The following PRKACA variants were observed in gnomAD, a reference collection of about 807,000 sequenced individuals.
PRKACA encodes the protein protein kinase cAMP-activated catalytic subunit alpha.
Under a neutral mutation model 45.8 loss-of-function variants are expected in PRKACA, and 9 were observed. The ratio of observed to expected loss-of-function variants is 0.20; its 90% CI spans 0.12 to 0.34. The LOEUF (loss-of-function observed/expected upper bound fraction) is 0.34. Among genes scored for constraint, PRKACA ranks in the 10% least tolerant of loss-of-function variants. The pLI, the probability that PRKACA is intolerant of heterozygous loss-of-function variation, is 1.00. For synonymous variants in PRKACA, 160 were observed against 178.6 expected (o/e 0.90, Z 0.83); for missense variants, 238 against 458.6 (o/e 0.52, Z 4.39).
chr19:14,108,138 G>C, intron 1 of PRKACA: 2 of 985,466 alleles, frequency 2.0e-6, no homozygotes, highest in Non-Finnish European at 2.4e-6. Flanking sequence ...TCTCGTCTCT[G>C]CTGAGACACA....
chr19:14,097,997 G>A lies in PRKACA; in HGVS notation c.420-107C>T, dbSNP rs373681876. On this transcript the variant is annotated intron_variant, in intron 5 of 9. Coordinates refer to ENST00000308677, the MANE Select transcript of PRKACA (RefSeq NM_002730.4). The surrounding 1 kb of genome is among the most constrained non-coding windows in gnomAD (Gnocchi z 5.4). Reference sequence around the variant, plus strand: ...AGAGGAAGACACCTCCAGTCCAGCCGTCAGAAACGCAAGGCACCTGATTCT... The same window carrying A: ...AGAGGAAGACACCTCCAGTCCAGCCATCAGAAACGCAAGGCACCTGATTCT... 1.6e-5 allele frequency: 23 copies of A among 1,429,486 alleles called. No individual in the cohort carries two copies. Among genetic ancestry groups the A allele is most frequent in the Middle Eastern group, 2.3e-4 (1 of 4,352 alleles). 88.6% of individuals were successfully genotyped at this position (1,429,486 alleles called of 1,614,324 possible).
At position 14,097,132 on chromosome 19, in the gene PRKACA, G is replaced by A. The variant is rs754222993; in HGVS notation, c.765+229C>T. On this transcript the variant is annotated intron_variant, in intron 8 of 9. Transcript: ENST00000308677. The surrounding 1 kb of genome is among the most constrained non-coding windows in gnomAD (Gnocchi z 5.4). ...TGGCCAAGATGTTCCCGTGAGGCTC[G>A]GGATTTTGGAAGCCCATGGGATTCT... is the stretch of plus-strand genomic sequence containing the variant. 2.7e-5 allele frequency: 16 copies of A among 592,362 alleles called. No homozygotes were observed. Among genetic ancestry groups the A allele is most frequent in the Middle Eastern group, 3.6e-4 (1 of 2,746 alleles). The allele number at this position is 592,362 out of a possible 1,614,324, so 36.7% of individuals were successfully genotyped here.
chr19:14,109,997 T>TACAC (rs1381189319), intron 1 of PRKACA, among the ~76,000 whole-genome samples: 4 of 71,742 alleles, frequency 5.6e-5, no homozygotes, highest in East Asian at 3.7e-4. Context: ...TATATATATA[T>TACAC]ATACACACAC....
At chr19:14,102,265 C>T (rs1050790891) in intron 4 of PRKACA, among the ~76,000 whole-genome samples, 1 of 151,278 alleles carries the variant, frequency 6.6e-6, no homozygotes, top group Non-Finnish European at 1.5e-5. Context: ...TTCTCTGGGT[C>T]AAACGTCCAT....
chr19:14,110,230 A>G (rs1008017891), intron 1 of PRKACA, among the ~76,000 whole-genome samples: 13 of 151,864 alleles, frequency 8.6e-5, no homozygotes, highest in African/African-American at 2.7e-4. Flanking sequence ...AGGCAGGAAG[A>G]TTGCTTAAAG....
At position 14,101,046 on chromosome 19, in the gene PRKACA, C is replaced by A; in HGVS notation, c.337-138G>T. The A allele has an allele frequency of 5.6e-6, 4 of 718,144 alleles. No individual in the cohort carries two copies. The South Asian group carries it at 6.4e-5, about 12-fold the overall frequency. The allele number at this position is 718,144 out of a possible 1,614,324, so 44.5% of individuals were successfully genotyped here. A position where few individuals can be genotyped will look rare whatever the true frequency, so the allele number is the denominator to read the frequency against. On this transcript the variant is annotated intron_variant, in intron 4 of 9. Transcript: ENST00000308677. ...GGCTCCCTGTAGGAATCATGTTCTA[C>A]AGGGGCGACCCTTATCCTGCTGTTA...
intron 1 of PRKACA, chr19:14,114,045 C>G (rs1274410266): frequency 7.0e-7 from 1 of 1,436,836 alleles, no homozygotes; most frequent in Non-Finnish European, 9.6e-7. Flanking sequence ...TTCTCTTCGC[C>G]TGTGCCCCAG....
chr19:14,094,883 T>C (rs1285923586), intron 8 of PRKACA, among the ~76,000 whole-genome samples: 2 of 152,252 alleles, frequency 1.3e-5, no homozygotes, highest in Non-Finnish European at 2.9e-5. Context: ...CCACGCCTTG[T>C]ATGCAAGTCA....
In PRKACA at chr19:14,110,163, A is replaced by T. The variant is rs181287913; in HGVS notation, c.47-2754T>A. Reference sequence around the variant, plus strand: ...AATCTCTACAAAAAATAAAACAATTAAAAAATTAGCTGAGCATAGTGGCCC... The same window carrying T: ...AATCTCTACAAAAAATAAAACAATTTAAAAATTAGCTGAGCATAGTGGCCC... On this transcript the variant is annotated intron_variant, in intron 1 of 9. Transcript: ENST00000308677. 2.0e-3 allele frequency among the ~76,000 whole-genome samples: 308 copies of T among 150,850 alleles called. 2 individuals are homozygous for T. Among genetic ancestry groups the T allele is most frequent in the Middle Eastern group, 3.4e-3 (1 of 292 alleles).
intron 1 of PRKACA, among the ~76,000 whole-genome samples, chr19:14,115,877 C>T (rs1442349281): frequency 6.6e-6 from 1 of 152,116 alleles, no homozygotes; most frequent in Non-Finnish European, 1.5e-5. Context: ...ACTCCTCCCC[C>T]CCCGGCCAAG....
chr19:14,102,460 C>T (rs190646623), intron 4 of PRKACA, among the ~76,000 whole-genome samples: 4 of 152,264 alleles, frequency 2.6e-5, no homozygotes, highest in Non-Finnish European at 5.9e-5. Context: ...GTCTCTTGCC[C>T]GGGGCCACAC....
chr19:14,111,762 A>G (rs1966973227), intron 1 of PRKACA, among the ~76,000 whole-genome samples: 1 of 152,224 alleles, frequency 6.6e-6, no homozygotes, highest in Non-Finnish European at 1.5e-5. Context: ...CCTTTGTGAC[A>G]GAAAACATCT....
In PRKACA at chr19:14,102,825, G is replaced by A. The variant is rs1977484200; in HGVS notation, c.327C>T (p.Phe109=). 3.1e-6 allele frequency: 5 copies of A among 1,613,940 alleles called. No homozygotes were observed. The East Asian group carries it at 8.9e-5, about 29-fold the overall frequency. The change falls in exon 4 of 10, where the codon TTC becomes TTT. Residue 109 remains phenylalanine (F), a synonymous_variant. Transcript: ENST00000308677. ...VNFPFLVKLE[F]SFKDNSNLYM... is the part of the protein sequence containing the mutation. ...GCCACTGGGACCCCACCTTGAAGGA[G>A]AACTCGAGTTTGACGAGGAACGGAA...
At position 14,092,463 on chromosome 19, in the gene PRKACA, T is replaced by C. The variant is rs1267124887; in HGVS notation, c.*649A>G. ...AGCGCCTCCCTTTCCAAAGTCAGTC[T>C]GCTTCTCTTTAAAATGGATTTGAGG... is the stretch of plus-strand genomic sequence containing the variant. On this transcript the variant is annotated 3_prime_UTR_variant, in exon 10 of 10. Transcript: ENST00000308677. The C allele has an allele frequency of 3.0e-5, 12 of 394,530 alleles. No homozygotes were observed. The highest frequency in any genetic ancestry group is 3.1e-5 in the Non-Finnish European group (7 of 224,196). 24.4% of individuals were successfully genotyped at this position (394,530 alleles called of 1,614,324 possible).
Position 14,100,843 on chromosome 19 carries a change from C to G in PRKACA, c.402G>C (p.Arg134=). The change falls in exon 5 of 10, where the codon CGG becomes CGC. Residue 134 remains arginine (R), a synonymous_variant. Coordinates refer to ENST00000308677, the MANE Select transcript of PRKACA (RefSeq NM_002730.4). The part of the protein sequence containing the change: ...VPGGEMFSHL[R]RIGRFSEPHA... Reference sequence around the variant, plus strand: ...CCGCTTACCTGAACCTTCCGATCCGCCGTAGGTGTGAGAACATCTCCCCGC... The same window carrying G: ...CCGCTTACCTGAACCTTCCGATCCGGCGTAGGTGTGAGAACATCTCCCCGC... 1 of 1,614,088 alleles carries G rather than the reference C, an allele frequency of 6.2e-7. No homozygotes were observed. Among genetic ancestry groups the G allele is most frequent in the South Asian group, 1.1e-5 (1 of 91,082 alleles).
intron 1 of PRKACA, among the ~76,000 whole-genome samples, chr19:14,114,594 C>T (rs1967068956): frequency 6.6e-6 from 1 of 152,050 alleles, no homozygotes; most frequent in African/African-American, 2.4e-5. Flanking sequence ...TGTGGGCCAG[C>T]TCCCAGGGGT....
At chr19:14,098,810 A>AT (rs1977348294) in intron 5 of PRKACA, among the ~76,000 whole-genome samples, 1 of 105,966 alleles carries the variant, frequency 9.4e-6, no homozygotes, top group Non-Finnish European at 1.9e-5. Flanking sequence ...TCTGTATGTT[A>AT]TTGGAAAAAA....
intron 9 of PRKACA, 46 bp downstream of exon 9, chr19:14,093,582 T>C (rs780151912): frequency 6.3e-7 from 1 of 1,584,976 alleles, no homozygotes; most frequent in East Asian, 2.2e-5. Flanking sequence ...CCCTGACTCT[T>C]GGCCTGCTCC....
At chr19:14,093,372 C>T (rs1488856697) in intron 9 of PRKACA, 135 bp from the exon 10 acceptor site, 2 of 1,256,428 alleles carry the variant, frequency 1.6e-6, no homozygotes, top group African/African-American at 1.5e-5. Context: ...GTTATGGATT[C>T]CTCTTAACAG....
Sources: gnomAD v4.1 joint callset for allele counts (sites outside exome capture counted in the v4.1 genomes callset) on GRCh38, gnomAD v4.1.1 for gene constraint, Gnocchi (gnomAD v3.1) non-coding constraint, MANE v1.5 for transcripts, NCBI Gene and HGNC (gene_info 2026-07-23, HGNC 2026-07-21) for gene names.